MYO10: variants seen among roughly 807,000 people sequenced by gnomAD.
MYO10 encodes unconventional myosin-X.
In MYO10, 133 loss-of-function variants were observed where a neutral mutation model predicts 257.3. The observed-to-expected ratio is 0.52, with a 90% CI of 0.45 to 0.60. The LOEUF (loss-of-function observed/expected upper bound fraction) is 0.60, where lower values mean the gene tolerates loss of function less well. Ranked by LOEUF, MYO10 falls within the 20% of genes least tolerant of loss-of-function variation. MYO10 has a pLI of 0.00. For missense variants in MYO10, 2,399 were observed against 2,635.7 expected, an observed-to-expected ratio of 0.91 and a Z score of 1.97; for synonymous variants, 1,104 against 1,028.6, an observed-to-expected ratio of 1.07 and a Z score of -1.40.
At chr5:16,773,918 A>C (rs1741136169) in intron 9 of MYO10, among the ~76,000 whole-genome samples, 1 of 152,188 alleles carries the variant, frequency 6.6e-6, no homozygotes. Flanking sequence ...CAACTGCATT[A>C]ATCATAACAT....
At chr5:16,713,480 G>A (rs1393662829) in intron 19 of MYO10, 5 of 985,634 alleles carry the variant, frequency 5.1e-6, no homozygotes, top group East Asian at 2.3e-4. Context: ...AAAAGTGCCC[G>A]GTCGCCATGA....
intron 26 of MYO10, among the ~76,000 whole-genome samples, chr5:16,698,320 C>G (rs1737854988): frequency 6.6e-6 from 1 of 152,148 alleles, no homozygotes; most frequent in Non-Finnish European, 1.5e-5. Context: ...ATGACCACAC[C>G]ACTGCCCTCT....
intron 4 of MYO10, among the ~76,000 whole-genome samples, chr5:16,791,612 G>A (rs1741761961): frequency 6.6e-6 from 1 of 151,226 alleles, no homozygotes; most frequent in Non-Finnish European, 1.5e-5. Context: ...CTTCTTTAGC[G>A]GCTCTGTCTA....
intron 1 of MYO10, among the ~76,000 whole-genome samples, chr5:16,893,410 G>T (rs1745124852): frequency 6.6e-6 from 1 of 151,922 alleles, no homozygotes; most frequent in Non-Finnish European, 1.5e-5. Context: ...TGAGCAGGCA[G>T]ATCACCTGAG....
chr5:16,850,824 T>C (rs544992488), intron 2 of MYO10, among the ~76,000 whole-genome samples: 15 of 148,610 alleles, frequency 1.0e-4, no homozygotes, highest in Non-Finnish European at 1.9e-4. Flanking sequence ...GGGTGGGACA[T>C]GGAGTCTTGC....
At chr5:16,845,142 C>A (rs73060773) in intron 2 of MYO10, among the ~76,000 whole-genome samples, 15,264 of 152,064 alleles carry the variant, frequency 0.1, 1,203 homozygotes, top group African/African-American at 0.22. Context: ...TCCTGAGACA[C>A]GGCCCAGAGA....
At chr5:16,809,163 T>C (rs1165526186) in intron 3 of MYO10, among the ~76,000 whole-genome samples, 4 of 144,746 alleles carry the variant, frequency 2.8e-5, no homozygotes, top group Non-Finnish European at 6.1e-5. Context: ...CTTGATTTCA[T>C]GTGGAAAAAA....
At chr5:16,837,885 A>G (rs976175270) in intron 2 of MYO10, among the ~76,000 whole-genome samples, 5 of 148,016 alleles carry the variant, frequency 3.4e-5, no homozygotes, top group African/African-American at 4.9e-5. Context: ...CATCCGTGTC[A>G]TATTTTGGTA....
intron 2 of MYO10, among the ~76,000 whole-genome samples, chr5:16,870,839 C>G (rs759627776): frequency 6.6e-6 from 1 of 152,108 alleles, no homozygotes; most frequent in Non-Finnish European, 1.5e-5. Flanking sequence ...CTGCAGTAAG[C>G]CGAGATCGCG....
intron 2 of MYO10, among the ~76,000 whole-genome samples, chr5:16,869,507 T>C (rs1012660605): frequency 6.6e-6 from 1 of 151,942 alleles, no homozygotes; most frequent in Non-Finnish European, 1.5e-5. Flanking sequence ...GCCCAGGAGT[T>C]ACAATGAGCT....
rs5866200 is a variant in MYO10, at chr5:16,674,563, G to GT, written c.4964+289dup. On this transcript the variant is annotated intron_variant, in intron 35 of 40. Coordinates refer to ENST00000513610, the MANE Select transcript of MYO10 (RefSeq NM_012334.3). ...TCTTTGATCTGGAACAAATATCCAA[G>GT]TTTTTTTTTTTTTTTTTAAATATAG... Among the ~76,000 whole-genome samples the GT allele has an allele frequency of 4.6e-3, 655 of 143,268 alleles. 2 individuals are homozygous for GT. The highest frequency in any genetic ancestry group is 5.4e-3 in the Non-Finnish European group (354 of 65,064). 94.0% of individuals were successfully genotyped at this position (143,268 alleles called of 152,430 possible).
intron 2 of MYO10, among the ~76,000 whole-genome samples, chr5:16,826,097 A>C (rs958279631): frequency 1.3e-5 from 2 of 151,468 alleles, no homozygotes; most frequent in African/African-American, 2.4e-5. Flanking sequence ...ACAGTGAGCC[A>C]AGACTGCACC....
chr5:16,925,821 G>A (rs1303150925), intron 1 of MYO10, among the ~76,000 whole-genome samples: 3 of 152,126 alleles, frequency 2.0e-5, no homozygotes, highest in Non-Finnish European at 4.4e-5. Context: ...GACTCACATA[G>A]ACTGCCTGGT....
At chr5:16,858,800 A>C (rs1744034686) in intron 2 of MYO10, among the ~76,000 whole-genome samples, 1 of 152,100 alleles carries the variant, frequency 6.6e-6, no homozygotes, top group Admixed American at 6.5e-5. Context: ...TCTACTAAAA[A>C]TATAAAAATT....
chr5:16,921,526 A>T (rs1369605232), intron 1 of MYO10, among the ~76,000 whole-genome samples: 1 of 151,886 alleles, frequency 6.6e-6, no homozygotes, highest in African/African-American at 2.4e-5. Flanking sequence ...AAAGAATAAA[A>T]TTTCCACACT....
At chr5:16,751,782 C>A (rs917110414) in intron 19 of MYO10, among the ~76,000 whole-genome samples, 1 of 151,926 alleles carries the variant, frequency 6.6e-6, no homozygotes, top group Non-Finnish European at 1.5e-5. Flanking sequence ...TCCCAGCCTT[C>A]TGAGTGCCTT....
rs113770488 is a variant in MYO10 at position 16,774,696 on chromosome 5, C to T, written c.930+4849G>A. Among the ~76,000 whole-genome samples, 396 of 152,276 alleles carry T rather than the reference C, an allele frequency of 2.6e-3. 1 individual carries two copies. Among genetic ancestry groups the T allele is most frequent in the African/African-American group, 9.3e-3 (385 of 41,558 alleles). The stretch of plus-strand genomic sequence containing the variant: ...TCGGCCTCCCAAAGTGCTGGGATTA[C>T]AGGCGTGAGCCACCGTGCCCGGCCA... On this transcript the variant is annotated intron_variant, in intron 9 of 40. Transcript: ENST00000513610.
chr5:16,674,413 G>T (rs1416233004), intron 35 of MYO10, among the ~76,000 whole-genome samples: 1 of 152,074 alleles, frequency 6.6e-6, no homozygotes, highest in Non-Finnish European at 1.5e-5. Context: ...ATGTTGCAAT[G>T]AGCCGAGATC....
At chr5:16,735,323 T>C (rs186326702) in intron 19 of MYO10, among the ~76,000 whole-genome samples, 8 of 152,192 alleles carry the variant, frequency 5.3e-5, no homozygotes, top group Admixed American at 4.6e-4. Flanking sequence ...ATCAGGCTAA[T>C]GGAGAGAGCT....
Sources: allele counts gnomAD v4.1 joint callset (sites outside exome capture counted in the v4.1 genomes callset), GRCh38; gene constraint gnomAD v4.1.1; transcripts MANE v1.5; gene names NCBI Gene and HGNC (gene_info 2026-07-23, HGNC 2026-07-21).